Variants in SOX5 observed in about 807,000 individuals in gnomAD.
SOX5 encodes transcription factor SOX-5.
A neutral mutation model predicts 92.0 loss-of-function variants in SOX5; 9 were observed. That is an observed-to-expected ratio of 0.10 (90% confidence interval 0.06 to 0.17). The LOEUF (loss-of-function observed/expected upper bound fraction) is 0.17, where lower values mean the gene tolerates loss of function less well. SOX5 is among the 10% of genes least tolerant of loss of function. The pLI, the probability that SOX5 is intolerant of heterozygous loss-of-function variation, is 1.00. For synonymous variants in SOX5, 344 were observed against 336.3 expected (o/e 1.02, Z -0.25); for missense variants, 642 against 944.5 (o/e 0.68, Z 4.20).
At chr12:23,766,721 A>G (rs961737840) in intron 3 of SOX5, among the ~76,000 whole-genome samples, 4 of 152,174 alleles carry the variant, frequency 2.6e-5, no homozygotes, top group Non-Finnish European at 5.9e-5. Context: ...CAAAAAATCC[A>G]AATATATTCC....
intron 3 of SOX5, among the ~76,000 whole-genome samples, chr12:23,843,499 T>A (rs2096540922): frequency 6.8e-6 from 1 of 147,756 alleles, no homozygotes. Flanking sequence ...AGTGAATGTA[T>A]AAATTACAAT....
intron 2 of SOX5, among the ~76,000 whole-genome samples, chr12:24,354,010 AGTG>A (rs1292271235): frequency 6.6e-6 from 1 of 152,230 alleles, no homozygotes; most frequent in Non-Finnish European, 1.5e-5. Context: ...TGAGGAAATC[AGTG>A]GTGAACAAAT....
rs374895832 is a variant in SOX5, at chr12:24,228,515, T to A, written c.-76-15098A>T. Reference sequence around the variant, plus strand: ...TTTTAAGCTCTATGTGTTTTTCTTGTTGTCTATTCCCTCTTCTCCCACCAC... The same window carrying A: ...TTTTAAGCTCTATGTGTTTTTCTTGATGTCTATTCCCTCTTCTCCCACCAC... On this transcript the variant is annotated intron_variant, in intron 3 of 4. Transcript: ENST00000446891. Among the ~76,000 whole-genome samples the A allele has an allele frequency of 1.6e-4, 25 of 152,324 alleles. No individual in the cohort carries two copies. In the East Asian group the frequency reaches 3.3e-3, roughly 20 times the overall value.
chr12:24,535,118 GA>G (rs1951523973), intron 1 of SOX5, among the ~76,000 whole-genome samples: 1 of 152,114 alleles, frequency 6.6e-6, no homozygotes, highest in African/African-American at 2.4e-5. Context: ...CTCCATCACT[GA>G]ATTCTAAAAT....
At chr12:24,018,874 C>T (rs1488997870) in intron 4 of SOX5, among the ~76,000 whole-genome samples, 1 of 152,154 alleles carries the variant, frequency 6.6e-6, no homozygotes, top group Non-Finnish European at 1.5e-5. Flanking sequence ...AGTTCAGTGT[C>T]CTTTCCTTTA....
intron 1 of SOX5, among the ~76,000 whole-genome samples, chr12:23,936,141 A>G (rs947852099): frequency 2.6e-5 from 4 of 151,056 alleles, no homozygotes; most frequent in African/African-American, 9.7e-5. Flanking sequence ...ATCTATCTCT[A>G]TAAGTGTATC....
chr12:23,845,135 TA>T (rs1446861713), intron 3 of SOX5, among the ~76,000 whole-genome samples: 1 of 152,248 alleles, frequency 6.6e-6, no homozygotes, highest in Non-Finnish European at 1.5e-5. Flanking sequence ...AACTTATTGT[TA>T]CACGGTATAC....
chr12:23,550,571 G>A (rs753949804), intron 11 of SOX5, among the ~76,000 whole-genome samples: 2 of 151,800 alleles, frequency 1.3e-5, no homozygotes, highest in Non-Finnish European at 2.9e-5. Context: ...ACTCTATTCT[G>A]TATAACCAAA....
chr12:24,526,010 A>G (rs1950676183), intron 1 of SOX5, among the ~76,000 whole-genome samples: 1 of 152,006 alleles, frequency 6.6e-6, no homozygotes, highest in South Asian at 2.1e-4. Flanking sequence ...AGCTGGGACC[A>G]CAAGCACGCA....
chr12:23,993,908 T>TATGC (rs1555465104), intron 4 of SOX5, among the ~76,000 whole-genome samples: 5 of 132,310 alleles, frequency 3.8e-5, no homozygotes, highest in Non-Finnish European at 6.6e-5. Flanking sequence ...TGTATGTATG[T>TATGC]ATGTATGCAT....
intron 1 of SOX5, among the ~76,000 whole-genome samples, chr12:23,910,234 A>G (rs1463516312): frequency 6.6e-6 from 1 of 152,182 alleles, no homozygotes; most frequent in Non-Finnish European, 1.5e-5. Context: ...AATCTAGGAT[A>G]TATAAATTAC....
At chr12:24,413,108 T>TTATCTGTC (rs1248748534) in intron 1 of SOX5, among the ~76,000 whole-genome samples, 2 of 152,226 alleles carry the variant, frequency 1.3e-5, no homozygotes, top group African/African-American at 4.8e-5. Context: ...TCTTTGCTGA[T>TTATCTGTC]TATCTGTCTA....
intron 4 of SOX5, among the ~76,000 whole-genome samples, chr12:24,142,456 A>G (rs892390492): frequency 9.2e-5 from 14 of 152,162 alleles, no homozygotes; most frequent in Non-Finnish European, 1.2e-4. Flanking sequence ...GTATAGAAAC[A>G]TGGTCTAGTT....
intron 1 of SOX5, among the ~76,000 whole-genome samples, chr12:24,399,152 T>A (rs891692115): frequency 3.9e-5 from 6 of 152,020 alleles, no homozygotes; most frequent in African/African-American, 1.4e-4. Context: ...CTTACATGAT[T>A]GCAGCTAAAA....
chr12:24,212,321 A>C, intron 4 of SOX5: 1 of 500,200 alleles, frequency 2.0e-6, no homozygotes, highest in Non-Finnish European at 4.0e-6. Context: ...CTTTAAGCTT[A>C]GTTCCTTTAG....
chr12:24,053,719 T>C (rs1283061654), intron 4 of SOX5, among the ~76,000 whole-genome samples: 1 of 152,362 alleles, frequency 6.6e-6, no homozygotes, highest in Admixed American at 6.5e-5. Flanking sequence ...ACCTCATGTC[T>C]TTCTCTTTAT....
chr12:24,366,396 T>C (rs560423157), intron 2 of SOX5, among the ~76,000 whole-genome samples: 2 of 152,250 alleles, frequency 1.3e-5, no homozygotes, highest in South Asian at 2.1e-4. Flanking sequence ...ACACTTTTGA[T>C]AGGGCTTCTG....
chr12:23,928,358 A>G (rs1021419579), intron 1 of SOX5, among the ~76,000 whole-genome samples: 1 of 151,950 alleles, frequency 6.6e-6, no homozygotes, highest in Non-Finnish European at 1.5e-5. Context: ...TGGCCAAGGA[A>G]TTTTATGGGA....
chr12:23,633,047 A>T (rs1243648164), intron 8 of SOX5, among the ~76,000 whole-genome samples: 1 of 152,168 alleles, frequency 6.6e-6, no homozygotes, highest in African/African-American at 2.4e-5. Flanking sequence ...ATCCAAAAAG[A>T]ATTTCAATCT....
Sources: gnomAD v4.1 joint callset for allele counts (sites outside exome capture counted in the v4.1 genomes callset) on GRCh38, gnomAD v4.1.1 for gene constraint, MANE v1.5 for transcripts, NCBI Gene and HGNC (gene_info 2026-07-23, HGNC 2026-07-21) for gene names.